The following DACH1 variants were observed in gnomAD, a reference collection of about 807,000 sequenced individuals.
DACH1 encodes dachshund family transcription factor 1, also known as dachshund homolog 1.
Under a neutral mutation model 54.2 loss-of-function variants are expected in DACH1, and 12 were observed. The ratio of observed to expected loss-of-function variants is 0.22; its 90% confidence interval spans 0.14 to 0.36. The LOEUF (loss-of-function observed/expected upper bound fraction) is 0.36, where lower values mean the gene tolerates loss of function less well. Ranked by LOEUF, DACH1 falls within the 10% of genes least tolerant of loss-of-function variation. DACH1 has a pLI of 1.00. For synonymous variants in DACH1, 386 were observed against 366.2 expected (o/e 1.05, Z -0.62); for missense variants, 805 against 929.8 (o/e 0.87, Z 1.75).
At chr13:71,480,510 A>T (rs1877938156) in intron 7 of DACH1, among the ~76,000 whole-genome samples, 1 of 152,218 alleles carries the variant, frequency 6.6e-6, no homozygotes, top group Admixed American at 6.5e-5. Flanking sequence ...CTCTCCTAAG[A>T]TACTTTGAAA....
intron 1 of DACH1, among the ~76,000 whole-genome samples, chr13:71,749,512 C>A (rs74099120): frequency 0.016 from 2,496 of 152,112 alleles, 68 homozygotes; most frequent in African/African-American, 0.056. Flanking sequence ...TGCCGCAAAT[C>A]CCAGCTCTTA....
chr13:71,568,094 C>G (rs759871100), intron 4 of DACH1, among the ~76,000 whole-genome samples: 6 of 151,834 alleles, frequency 4.0e-5, no homozygotes, highest in Admixed American at 3.9e-4. Context: ...GGAAATGATA[C>G]AAAGGTGGCA....
At chr13:71,817,715 A>G (rs1438744042) in intron 1 of DACH1, among the ~76,000 whole-genome samples, 2 of 151,982 alleles carry the variant, frequency 1.3e-5, no homozygotes, top group Non-Finnish European at 2.9e-5. Context: ...TTTTTAAGGT[A>G]TTAAGGAAAT....
chr13:71,766,130 T>C (rs7331398), intron 1 of DACH1, among the ~76,000 whole-genome samples: 64,454 of 151,732 alleles, frequency 0.42, 14,514 homozygotes, highest in East Asian at 0.85. Flanking sequence ...TCGTGATCCG[T>C]CCGCCTCGGC....
At chr13:71,809,444 TA>T (rs1887628426) in intron 1 of DACH1, among the ~76,000 whole-genome samples, 1 of 152,134 alleles carries the variant, frequency 6.6e-6, no homozygotes, top group South Asian at 2.1e-4. Flanking sequence ...GTACTGAGAT[TA>T]AAGGCATGAG....
At chr13:71,747,368 C>T (rs1196193107) in intron 1 of DACH1, among the ~76,000 whole-genome samples, 1 of 152,082 alleles carries the variant, frequency 6.6e-6, no homozygotes, top group Non-Finnish European at 1.5e-5. Flanking sequence ...CACTTGAGGT[C>T]AGAAGTTCAA....
At chr13:71,658,204 G>C (rs576981209) in intron 2 of DACH1, among the ~76,000 whole-genome samples, 1 of 152,174 alleles carries the variant, frequency 6.6e-6, no homozygotes, top group East Asian at 1.9e-4. Flanking sequence ...TTCATTCTTA[G>C]GGATGTATAT....
chr13:71,506,063 T>C (rs1245197180), intron 6 of DACH1, among the ~76,000 whole-genome samples: 1 of 152,072 alleles, frequency 6.6e-6, no homozygotes, highest in Non-Finnish European at 1.5e-5. Flanking sequence ...TTTAAATAAA[T>C]ACAACTAAAA....
chr13:71,781,111 G>T (rs949779277), intron 1 of DACH1, among the ~76,000 whole-genome samples: 3 of 152,002 alleles, frequency 2.0e-5, no homozygotes, highest in Non-Finnish European at 4.4e-5. Flanking sequence ...CTCCAGCCTG[G>T]GTGACAGAGC....
intron 6 of DACH1, among the ~76,000 whole-genome samples, chr13:71,554,151 A>G (rs1194381255): frequency 6.6e-6 from 1 of 152,038 alleles, no homozygotes; most frequent in East Asian, 1.9e-4. Flanking sequence ...AAAGAAAACA[A>G]TTTTTAATTT....
chr13:71,516,845 C>T (rs1474811049), intron 6 of DACH1, among the ~76,000 whole-genome samples: 1 of 151,654 alleles, frequency 6.6e-6, no homozygotes, highest in Non-Finnish European at 1.5e-5. Flanking sequence ...TCTGTAAGTG[C>T]CCTACAAACA....
At chr13:71,655,524 C>A (rs1879035611) in intron 2 of DACH1, among the ~76,000 whole-genome samples, 1 of 150,808 alleles carries the variant, frequency 6.6e-6, no homozygotes, top group African/African-American at 2.4e-5. Context: ...GTGCCCGCCA[C>A]CATGCCCGGC....
At chr13:71,478,427 G>A (rs900223289) in intron 8 of DACH1, among the ~76,000 whole-genome samples, 2 of 152,136 alleles carry the variant, frequency 1.3e-5, no homozygotes, top group African/African-American at 4.8e-5. Flanking sequence ...ATAATGTGGA[G>A]CATTTATATT....
chr13:71,831,334 G>A (rs1036245225), intron 1 of DACH1, among the ~76,000 whole-genome samples: 1 of 151,284 alleles, frequency 6.6e-6, no homozygotes, highest in Non-Finnish European at 1.5e-5. Flanking sequence ...CATGGTTTAA[G>A]TTAAATAGTA....
chr13:71,700,664 A>C (rs1443253152), intron 1 of DACH1, among the ~76,000 whole-genome samples: 1 of 151,724 alleles, frequency 6.6e-6, no homozygotes, highest in East Asian at 1.9e-4. Flanking sequence ...AGGACTTGCC[A>C]TAGGTTAAGT....
intron 1 of DACH1, among the ~76,000 whole-genome samples, chr13:71,843,083 T>A (rs1872986108): frequency 6.6e-6 from 1 of 152,208 alleles, no homozygotes; most frequent in Non-Finnish European, 1.5e-5. Flanking sequence ...TTTTTATTTT[T>A]TTAATTTTTA....
intron 1 of DACH1, among the ~76,000 whole-genome samples, chr13:71,782,755 A>T (rs1342298716): frequency 6.6e-6 from 1 of 152,118 alleles, no homozygotes; most frequent in East Asian, 1.9e-4. Flanking sequence ...AGAAATCAAA[A>T]ATAAAATACT....
At chr13:71,760,186 C>G (rs1885344793) in intron 1 of DACH1, among the ~76,000 whole-genome samples, 1 of 152,108 alleles carries the variant, frequency 6.6e-6, no homozygotes. Flanking sequence ...CCTCTCAGTC[C>G]AAGGGACTTT....
intron 2 of DACH1, among the ~76,000 whole-genome samples, chr13:71,647,568 C>T (rs955153633): frequency 1.3e-5 from 2 of 152,198 alleles, no homozygotes; most frequent in African/African-American, 4.8e-5. Context: ...AAGGCTCTAA[C>T]TGGTCAAACT....
Sources: allele counts gnomAD v4.1 joint callset (sites outside exome capture counted in the v4.1 genomes callset), GRCh38; gene constraint gnomAD v4.1.1; transcripts MANE v1.5; gene names NCBI Gene and HGNC (gene_info 2026-07-23, HGNC 2026-07-21).